The following RUVBL2 variants were observed in gnomAD, a reference collection of about 807,000 sequenced individuals.
RUVBL2 encodes ruvB-like 2.
A neutral mutation model predicts 57.9 loss-of-function variants in RUVBL2; 9 were observed. The observed-to-expected ratio is 0.16, with a 90% CI of 0.09 to 0.27. RUVBL2 has a LOEUF of 0.27. Ranked by LOEUF, RUVBL2 falls within the 10% of genes least tolerant of loss-of-function variation. The pLI is 1.00. For synonymous variants in RUVBL2, 278 were observed against 264.6 expected (o/e 1.05, Z -0.49); for missense variants, 456 against 669.6 (o/e 0.68, Z 3.52).
intron 1 of RUVBL2, 173 bp downstream of exon 1, chr19:48,994,096 A>C: frequency 1.8e-5 from 2 of 108,196 alleles, no homozygotes; most frequent in East Asian, 2.6e-4. Context: ...AGAAGGGGAC[A>C]TGGGGGCTGG....
Position 49,009,960 on chromosome 19 carries a change from C to G in RUVBL2, c.570-13C>G, listed in dbSNP as rs377317830. The stretch of plus-strand genomic sequence containing the variant: ...CCATTCCTTTCCTTACCCTACCCCC[C>G]ATCCCCCTGTAGGGACGTGATCACC... On this transcript the variant is annotated splice_polypyrimidine_tract_variant and intron_variant, in intron 7 of 14. Coordinates refer to ENST00000595090, the MANE Select transcript of RUVBL2 (RefSeq NM_006666.3). 1 of 1,607,618 alleles carries G rather than the reference C, an allele frequency of 6.2e-7. No homozygotes were observed. The highest frequency in any genetic ancestry group is 1.7e-5 in the Admixed American group (1 of 59,676).
chr19:49,014,154 G>A (rs774851831), intron 11 of RUVBL2, among the ~76,000 whole-genome samples: 34 of 152,328 alleles, frequency 2.2e-4, no homozygotes, highest in African/African-American at 7.5e-4. Flanking sequence ...GGCTGGCCCC[G>A]CTGCAGCAGG....
chr19:49,003,345 G>A lies in RUVBL2; in HGVS notation c.123+11G>A. ...TTGGAGCCTCGGCAGGTAGAGCAGAGGAGGCTGGGGTGTGAGGGCCTCTCC... is the reference window on the plus strand; with the variant it reads ...TTGGAGCCTCGGCAGGTAGAGCAGAAGAGGCTGGGGTGTGAGGGCCTCTCC... On this transcript the variant is annotated intron_variant, in intron 3 of 14. Coordinates refer to ENST00000595090, the MANE Select transcript of RUVBL2 (RefSeq NM_006666.3). 1 of 1,613,676 alleles carries A rather than the reference G, an allele frequency of 6.2e-7. No individual in the cohort carries two copies. The highest frequency in any genetic ancestry group is 1.1e-5 in the South Asian group (1 of 91,072).
chr19:49,012,331 C>G (rs2039445949), intron 11 of RUVBL2, among the ~76,000 whole-genome samples: 1 of 152,208 alleles, frequency 6.6e-6, no homozygotes. Context: ...TAGATATCAC[C>G]TCAGCCCCAT....
Position 49,015,695 on chromosome 19 carries a change from C to G in RUVBL2, c.1366+9C>G, listed in dbSNP as rs773756878. On this transcript the variant is annotated intron_variant, in intron 14 of 14. Coordinates refer to ENST00000595090, the MANE Select transcript of RUVBL2 (RefSeq NM_006666.3). ...CCTCTTCAACGAACTCAGTAAGAAT[C>G]CCCACCCCGCACCTGCACTGCCAGA... 1 of 1,604,930 alleles carries G rather than the reference C, an allele frequency of 6.2e-7. No homozygotes were observed. The highest frequency in any genetic ancestry group is 8.5e-7 in the Non-Finnish European group (1 of 1,178,102).
Position 49,011,399 on chromosome 19 carries a change from C to G in RUVBL2, c.1001+89C>G, listed in dbSNP as rs1045979053. On this transcript the variant is annotated intron_variant, in intron 11 of 14. Coordinates refer to ENST00000595090, the MANE Select transcript of RUVBL2 (RefSeq NM_006666.3). This position sits in a 1 kb window ranked among gnomAD's most constrained non-coding sequence, Gnocchi z 4.4. ...GGTCAATGGGAGCCTGTGTTGACAC[C>G]GGGTCAGGGAGGGACGCGTGACTGC... is the stretch of plus-strand genomic sequence containing the variant. 3.7e-6 allele frequency: 4 copies of G among 1,077,322 alleles called. No individual in the cohort carries two copies. Among genetic ancestry groups the G allele is most frequent in the Non-Finnish European group, 5.7e-6 (4 of 707,656 alleles). 66.7% of individuals were successfully genotyped at this position (1,077,322 alleles called of 1,614,324 possible). A position where few individuals can be genotyped will look rare whatever the true frequency, so the allele number is the denominator to read the frequency against.
intron 11 of RUVBL2, 28 bp from the exon 12 acceptor site, chr19:49,014,456 C>T: frequency 6.2e-7 from 1 of 1,607,290 alleles, no homozygotes; most frequent in Non-Finnish European, 8.5e-7. Flanking sequence ...ATGCCCCTGA[C>T]AGCCCCCTCT....
chr19:49,010,095 G>A lies in RUVBL2; in HGVS notation c.663+29G>A, dbSNP rs144604206. On this transcript the variant is annotated intron_variant, in intron 8 of 14. Transcript: ENST00000595090. Reference sequence around the variant, plus strand: ...CGGCCGGGACTCCCGGGATCCCCTCGCCCCCAGCACTGGGGTGTTTTCATC... The same window carrying A: ...CGGCCGGGACTCCCGGGATCCCCTCACCCCCAGCACTGGGGTGTTTTCATC... 2.3e-4 allele frequency: 371 copies of A among 1,595,742 alleles called. 2 individuals carry two copies. The East Asian group carries it at 8.0e-3, about 34-fold the overall frequency.
Position 49,015,857 on chromosome 19 carries a change from C to T in RUVBL2, c.*15C>T, listed in dbSNP as rs758255007. On this transcript the variant is annotated 3_prime_UTR_variant, in exon 15 of 15. Transcript: ENST00000595090. ...ACACCTCCTGAGTTGGATGTCATCC[C>T]CCGACCCCACCCTGTTTTCCACCAG... 2 of 1,614,060 alleles carry T rather than the reference C, an allele frequency of 1.2e-6. No homozygotes were observed. Among genetic ancestry groups the T allele is most frequent in the African/African-American group, 1.3e-5 (1 of 74,916 alleles).
At chr19:49,004,161 T>G in intron 3 of RUVBL2, 116 bp from the exon 4 acceptor site, 2 of 1,343,528 alleles carry the variant, frequency 1.5e-6, no homozygotes, top group Non-Finnish European at 2.0e-6. Context: ...CTTTTTTGGC[T>G]TTTCCTAGAA....
In RUVBL2 at chr19:49,007,159, A is replaced by G; in HGVS notation, c.395+12A>G. The G allele has an allele frequency of 6.2e-7, 1 of 1,612,946 alleles. No homozygotes were observed. Among genetic ancestry groups the G allele is most frequent in the Non-Finnish European group, 8.5e-7 (1 of 1,179,738 alleles). ...GGCGTTCGCATCAAGTAAGCGGGGG[A>G]CCCGAGGCGGGTGCCAGACCCCAGA... On this transcript the variant is annotated intron_variant, in intron 5 of 14. Coordinates refer to ENST00000595090, the MANE Select transcript of RUVBL2 (RefSeq NM_006666.3).
intron 11 of RUVBL2, among the ~76,000 whole-genome samples, chr19:49,012,843 CCACACACACACACACA>C (rs58302006): frequency 2.0e-4 from 29 of 141,904 alleles, no homozygotes; most frequent in South Asian, 1.6e-3. Context: ...TCAGTGCCCA[CCACACACACACACACA>C]CACACACACA....
intron 1 of RUVBL2, among the ~76,000 whole-genome samples, chr19:48,998,123 C>T (rs533753163): frequency 1.1e-4 from 17 of 152,294 alleles, no homozygotes; most frequent in African/African-American, 3.1e-4. Context: ...CCCAGGGAGG[C>T]CTTTCATCTG....
rs2039221371 is a variant in RUVBL2, at chr19:49,003,399, G to A, written c.123+65G>A. ...AAGGTCTTGGGTAGTGGGTACCCAG[G>A]GTCCTGGGGAGTGTGGGGACTATGT... On this transcript the variant is annotated intron_variant, in intron 3 of 14. Coordinates refer to ENST00000595090, the MANE Select transcript of RUVBL2 (RefSeq NM_006666.3). The A allele has an allele frequency of 2.0e-6, 3 of 1,471,880 alleles. No homozygotes were observed. In the African/African-American group the frequency reaches 4.2e-5, roughly 20 times the overall value. 91.2% of individuals were successfully genotyped at this position (1,471,880 alleles called of 1,614,324 possible).
intron 2 of RUVBL2, among the ~76,000 whole-genome samples, chr19:49,002,832 G>A (rs1458151738): frequency 2.6e-5 from 4 of 152,076 alleles, no homozygotes; most frequent in African/African-American, 2.4e-5. Context: ...TGATCCGCCC[G>A]CCTCGGCCTC....
intron 2 of RUVBL2, among the ~76,000 whole-genome samples, chr19:49,002,471 A>G (rs1355173597): frequency 1.3e-5 from 2 of 152,168 alleles, no homozygotes; most frequent in Non-Finnish European, 2.9e-5. Flanking sequence ...TGGCTGGGGC[A>G]TGGGACCTAA....
chr19:49,013,618 AAC>A, intron 11 of RUVBL2, among the ~76,000 whole-genome samples: 1 of 152,288 alleles, frequency 6.6e-6, no homozygotes, highest in Admixed American at 6.5e-5. Context: ...TGGAAATAGA[AAC>A]ACACATACAT....
chr19:49,013,644 G>A (rs1384023936), intron 11 of RUVBL2, among the ~76,000 whole-genome samples: 1 of 152,208 alleles, frequency 6.6e-6, no homozygotes, highest in Admixed American at 6.5e-5. Context: ...GCCAGGCGCG[G>A]TAGCTCACAC....
intron 11 of RUVBL2, among the ~76,000 whole-genome samples, chr19:49,013,490 C>CCT (rs2039477072): frequency 6.6e-6 from 1 of 152,086 alleles, no homozygotes; most frequent in African/African-American, 2.4e-5. Flanking sequence ...TGCAAGGAGG[C>CCT]TGTGAAGCCT....
Sources: allele counts gnomAD v4.1 joint callset (sites outside exome capture counted in the v4.1 genomes callset), GRCh38; gene constraint gnomAD v4.1.1; non-coding constraint Gnocchi (gnomAD v3.1); transcripts MANE v1.5; gene names NCBI Gene and HGNC (gene_info 2026-07-23, HGNC 2026-07-21).